Variants in LRRC4C observed in about 807,000 individuals in gnomAD.
The protein encoded by LRRC4C is leucine rich repeat containing 4C, also known as leucine-rich repeat-containing protein 4C.
Under a neutral mutation model 33.6 loss-of-function variants are expected in LRRC4C, and 5 were observed. That is an observed-to-expected ratio of 0.15 (90% CI 0.08 to 0.31). The LOEUF (loss-of-function observed/expected upper bound fraction) is 0.31. Among genes scored for constraint, LRRC4C ranks in the 10% least tolerant of loss-of-function variants. The pLI is 1.00. For synonymous variants in LRRC4C, 329 were observed against 302.0 expected (o/e 1.09, Z -0.93); for missense variants, 560 against 796.7 (o/e 0.70, Z 3.58).
At chr11:40,671,424 C>G (rs929278719) in intron 2 of LRRC4C, among the ~76,000 whole-genome samples, 1 of 152,116 alleles carries the variant, frequency 6.6e-6, no homozygotes, top group African/African-American at 2.4e-5. Flanking sequence ...ATTTAATAAA[C>G]TTAATTAAAG....
At chr11:40,117,403 C>T (rs2134607398) in intron 6 of LRRC4C, among the ~76,000 whole-genome samples, 1 of 152,254 alleles carries the variant, frequency 6.6e-6, no homozygotes, top group Middle Eastern at 3.4e-3. Context: ...AGACATATCA[C>T]ATGTTAACTA....
In LRRC4C at chr11:40,306,989, T is replaced by A. The variant is rs1367953915; in HGVS notation, c.-176+12639A>T. Among the ~76,000 whole-genome samples the A allele has an allele frequency of 7.4e-4, 5 of 6,780 alleles. No homozygotes were observed. In the Admixed American group the frequency reaches 0.011, roughly 15 times the overall value. 4.4% of individuals were successfully genotyped at this position (6,780 alleles called of 152,430 possible). The stretch of plus-strand genomic sequence containing the variant: ...CACAATTGGTATTTCAAGTTAGATA[T>A]CTATGTATCTATGTATCTATCTATC... On this transcript the variant is annotated intron_variant, in intron 4 of 6. Transcript: ENST00000528697.
intron 1 of LRRC4C, among the ~76,000 whole-genome samples, chr11:41,338,388 T>G (rs1951523676): frequency 6.6e-6 from 1 of 152,134 alleles, no homozygotes; most frequent in Admixed American, 6.5e-5. Context: ...ATCATGTCCC[T>G]TGCAGGGACA....
intron 1 of LRRC4C, among the ~76,000 whole-genome samples, chr11:40,937,381 G>A (rs910994008): frequency 7.3e-4 from 111 of 152,090 alleles, no homozygotes; most frequent in African/African-American, 2.6e-3. Context: ...TAATTACCTG[G>A]GTGATGGGAT....
intron 1 of LRRC4C, among the ~76,000 whole-genome samples, chr11:41,119,691 T>G (rs916358028): frequency 6.6e-6 from 1 of 152,170 alleles, no homozygotes; most frequent in East Asian, 1.9e-4. Context: ...TACCAGGCAG[T>G]CTCATGACTT....
chr11:40,667,084 A>T, intron 2 of LRRC4C, among the ~76,000 whole-genome samples: 1 of 152,218 alleles, frequency 6.6e-6, no homozygotes, highest in Admixed American at 6.5e-5. Flanking sequence ...CTCACCAAAA[A>T]AATCTGACTT....
chr11:40,279,179 C>CT (rs1194335472), intron 4 of LRRC4C, among the ~76,000 whole-genome samples: 1 of 152,142 alleles, frequency 6.6e-6, no homozygotes, highest in African/African-American at 2.4e-5. Flanking sequence ...AGCAAATTCT[C>CT]TTTTTTGCTT....
chr11:40,977,191 G>A (rs551424262), intron 1 of LRRC4C, among the ~76,000 whole-genome samples: 84 of 152,166 alleles, frequency 5.5e-4, no homozygotes, highest in African/African-American at 2.0e-3. Flanking sequence ...TAATGGGATC[G>A]ATAGACTGTA....
rs150347507 is a variant in LRRC4C at position 40,493,801 on chromosome 11, T to G, written c.-270+154341A>C. Among the ~76,000 whole-genome samples the G allele has an allele frequency of 9.2e-5, 14 of 152,236 alleles. No individual in the cohort carries two copies. The East Asian group carries it at 1.5e-3, about 17-fold the overall frequency. On this transcript the variant is annotated intron_variant, in intron 3 of 6. Transcript: ENST00000528697. ...AAGTGCATTTAGGTGGAACGCGAAT[T>G]ACCAGTTAGAAAGACCAAATCATTC... is the stretch of plus-strand genomic sequence containing the variant.
At chr11:41,358,708 C>T (rs1161225919) in intron 1 of LRRC4C, among the ~76,000 whole-genome samples, 1 of 152,008 alleles carries the variant, frequency 6.6e-6, no homozygotes, top group African/African-American at 2.4e-5. Flanking sequence ...TAGAATGGCC[C>T]AAATCTGGAA....
chr11:40,476,276 A>G (rs934299490), intron 3 of LRRC4C, among the ~76,000 whole-genome samples: 14 of 151,738 alleles, frequency 9.2e-5, no homozygotes, highest in African/African-American at 3.4e-4. Flanking sequence ...GCTACTTTTA[A>G]CCAAAAGAGT....
rs150171337 is a variant in LRRC4C at position 40,943,700 on chromosome 11, G to A, written c.-495-9977C>T. Among the ~76,000 whole-genome samples, 591 of 152,212 alleles carry A rather than the reference G, an allele frequency of 3.9e-3. 3 individuals carry two copies. The highest frequency in any genetic ancestry group is 0.014 in the African/African-American group (572 of 41,520). On this transcript the variant is annotated intron_variant, in intron 1 of 6. Coordinates refer to ENST00000528697, the MANE Select transcript of LRRC4C (RefSeq NM_001258419.2). ...AATGATGAAGGCAGTTGTCTCCAAG[G>A]CTATCTCTCCTGTCGGGAGAGTCTT...
intron 4 of LRRC4C, chr11:40,292,958 C>G (rs1315962608): frequency 6.6e-6 from 1 of 152,150 alleles, no homozygotes; most frequent in Non-Finnish European, 1.5e-5. Context: ...CAATTCCTCT[C>G]CCCAGCCTCC....
chr11:40,920,781 G>A (rs565897949), intron 2 of LRRC4C, among the ~76,000 whole-genome samples: 2 of 152,208 alleles, frequency 1.3e-5, no homozygotes, highest in South Asian at 4.1e-4. Flanking sequence ...TTTGGAACCT[G>A]TGAGCATGTT....
chr11:41,197,309 T>G (rs1310028637), intron 1 of LRRC4C, among the ~76,000 whole-genome samples: 3 of 152,058 alleles, frequency 2.0e-5, no homozygotes, highest in Non-Finnish European at 4.4e-5. Flanking sequence ...TTCTAAGAGA[T>G]GCATGTGATG....
intron 1 of LRRC4C, among the ~76,000 whole-genome samples, chr11:41,352,388 C>G (rs1348169247): frequency 6.6e-6 from 1 of 152,082 alleles, no homozygotes; most frequent in Non-Finnish European, 1.5e-5. Context: ...AGAAACCTAA[C>G]AGGAGACACA....
At chr11:40,897,503 C>G (rs1471566146) in intron 2 of LRRC4C, among the ~76,000 whole-genome samples, 1 of 152,048 alleles carries the variant, frequency 6.6e-6, no homozygotes, top group Non-Finnish European at 1.5e-5. Flanking sequence ...TTTAGTGACC[C>G]AATCTACCAC....
chr11:40,175,798 C>T (rs1860433286), intron 5 of LRRC4C, among the ~76,000 whole-genome samples: 2 of 152,180 alleles, frequency 1.3e-5, no homozygotes, highest in South Asian at 4.1e-4. Flanking sequence ...TTCTGCTCTC[C>T]AATGGTTTGA....
intron 2 of LRRC4C, among the ~76,000 whole-genome samples, chr11:40,795,949 A>T (rs1950806453): frequency 1.3e-5 from 2 of 152,220 alleles, no homozygotes; most frequent in Admixed American, 1.3e-4. Flanking sequence ...CTAATAATTG[A>T]GGGAAAAATG....
Sources: gnomAD v4.1 joint callset for allele counts (sites outside exome capture counted in the v4.1 genomes callset) on GRCh38, gnomAD v4.1.1 for gene constraint, MANE v1.5 for transcripts, NCBI Gene and HGNC (gene_info 2026-07-23, HGNC 2026-07-21) for gene names.